Variants in ZNF256 observed in about 807,000 individuals in gnomAD.
ZNF256 encodes the protein zinc finger protein 256, also known as bone marrow zinc finger 3.
Under a neutral mutation model 7.9 loss-of-function variants are expected in ZNF256, and 4 were observed. That is an observed-to-expected ratio of 0.50 (90% confidence interval 0.25 to 1.15). ZNF256 has a LOEUF of 1.15. Among genes scored for constraint, ZNF256 ranks in the 50% most tolerant of loss-of-function variants. The pLI, the probability that ZNF256 is intolerant of heterozygous loss-of-function variation, is 0.15. For synonymous variants in ZNF256, 260 were observed against 260.4 expected (o/e 1.00, Z 0.02); for missense variants, 666 against 755.9 (o/e 0.88, Z 1.39).
rs368746793 is a variant in ZNF256, at chr19:57,941,366, T to A, written c.1442A>T (p.His481Leu). The A allele has an allele frequency of 1.9e-6, 3 of 1,614,026 alleles. No individual in the cohort carries two copies. Among genetic ancestry groups the A allele is most frequent in the Non-Finnish European group, 2.5e-6 (3 of 1,180,040 alleles). ...SFTCKSYLISHWKVHTGARPY... is the reference protein window; with the variant it reads ...SFTCKSYLISLWKVHTGARPY... ...CCTTGCTCCAGTATGAACTTTCCAG[T>A]GTGAGATGAGGTAGGATTTACAGGT... Residue 481 changes from histidine to leucine, a missense_variant, in exon 3 of 3, where the codon CAC becomes CTC. Transcript: ENST00000282308.
intron 1 of ZNF256, among the ~76,000 whole-genome samples, chr19:57,945,276 C>T (rs1217615829): frequency 1.3e-5 from 2 of 152,132 alleles, no homozygotes; most frequent in East Asian, 3.9e-4. Context: ...GGAGGTAGTA[C>T]TCCAGAAAAG....
chr19:57,947,603 G>C lies in ZNF256; in HGVS notation c.-129C>G. 1.1e-6 allele frequency: 1 copy of C among 915,960 alleles called. No individual in the cohort carries two copies. The highest frequency in any genetic ancestry group is 1.5e-6 in the Non-Finnish European group (1 of 684,932). The allele number at this position is 915,960 out of a possible 1,614,324, so 56.7% of individuals were successfully genotyped here. A position where few individuals can be genotyped will look rare whatever the true frequency, so the allele number is the denominator to read the frequency against. On this transcript the variant is annotated 5_prime_UTR_variant, in exon 1 of 3. Coordinates refer to ENST00000282308, the MANE Select transcript of ZNF256 (RefSeq NM_005773.3). ...GGAAGACTCCTCTCGCGCCTTCTCA[G>C]TCAGTCACGGATGATGCTGACCCAG...
At position 57,942,319 on chromosome 19, in the gene ZNF256, T is replaced by TA. The variant is rs1216372433; in HGVS notation, c.488dup (p.Ser164IlefsTer72). The TA allele has an allele frequency of 1.4e-5, 23 of 1,614,140 alleles. No individual in the cohort carries two copies. Among genetic ancestry groups the TA allele is most frequent in the Admixed American group, 3.3e-5 (2 of 60,006 alleles). ...CCTTGCAAGTGAAGGGCTTCCCAGA[T>TA]ACTTCAAATGTGCAGCTGCTCAAAA... On this transcript the variant is annotated frameshift_variant, in exon 3 of 3. Transcript: ENST00000282308. LOFTEE classifies it low-confidence loss of function (END_TRUNC).
In ZNF256 at chr19:57,942,220, G is replaced by A. The variant is rs751788484; in HGVS notation, c.588C>T (p.Asn196=). 6.2e-7 allele frequency: 1 copy of A among 1,614,250 alleles called. No homozygotes were observed. The highest frequency in any genetic ancestry group is 1.1e-5 in the South Asian group (1 of 91,086). ...QQAAHTRKKS[N]RTKSAVAFHS... is the part of the protein sequence containing the mutation. ...GAAAGGCCACTGCACTCTTGGTTCT[G>A]TTTGACTTCTTTCTGGTGTGAGCAG... is the stretch of plus-strand genomic sequence containing the variant. Residue 196 remains asparagine (N), a synonymous_variant, in exon 3 of 3, where the codon AAC becomes AAT. Coordinates refer to ENST00000282308, the MANE Select transcript of ZNF256 (RefSeq NM_005773.3).
At position 57,941,236 on chromosome 19, in the gene ZNF256, A is replaced by C; in HGVS notation, c.1572T>G (p.Cys524Trp). Residue 524 changes from cysteine to tryptophan, a missense_variant, in exon 3 of 3, where the codon TGT (cysteine) becomes TGG (tryptophan). Transcript: ENST00000282308. Reference sequence around the variant, plus strand: ...TGGAGCTCTGGCTAAAAAACTTCCCACATTCATTGCACTCATAAGGCCTTT... The same window carrying C: ...TGGAGCTCTGGCTAAAAAACTTCCCCCATTCATTGCACTCATAAGGCCTTT... ...TGERPYECNE[C>W]GKFFSQSSSL... The C allele has an allele frequency of 6.2e-7, 1 of 1,613,826 alleles. No homozygotes were observed.
rs779538355 is a variant in ZNF256, at chr19:57,942,560, A to G, written c.248T>C (p.Leu83Pro). ...GGGGTTGGTCTTCTGGGGAGAAGGA[A>G]GGGCCTTAGGAATCCTAACCTGTGA... ...RVSQVRIPKA[L>P]PSPQKTNPCE... Residue 83 changes from leucine (L) to proline (P), a missense_variant, in exon 3 of 3, where the codon CTT becomes CCT. Physicochemically the swap from Leu to Pro is moderately conservative, Grantham distance 98. Transcript: ENST00000282308. 5.0e-6 allele frequency: 8 copies of G among 1,614,172 alleles called. No homozygotes were observed. The East Asian group carries it at 1.8e-4, about 36-fold the overall frequency.
intron 2 of ZNF256, 105 bp from the exon 3 acceptor site, chr19:57,942,752 G>A (rs767924857): frequency 2.5e-5 from 34 of 1,386,192 alleles, no homozygotes; most frequent in Non-Finnish European, 3.3e-5. Flanking sequence ...AGTCCATGGG[G>A]TTGTTTTCAG....
rs781008432 is a variant in ZNF256, at chr19:57,941,257, C to G, written c.1551G>C (p.Arg517Ser). ...LQHQRVHTGE[R>S]PYECNECGKF... ...TCCCACATTCATTGCACTCATAAGGCCTTTCTCCAGTGTGAACTCTCTGGT... is the reference window on the plus strand; with the variant it reads ...TCCCACATTCATTGCACTCATAAGGGCTTTCTCCAGTGTGAACTCTCTGGT... The change falls in exon 3 of 3, where the codon AGG becomes AGC. Residue 517 changes from arginine (R) to serine (S), a missense_variant. Transcript: ENST00000282308. 2 of 1,614,152 alleles carry G rather than the reference C, an allele frequency of 1.2e-6. No individual in the cohort carries two copies. The highest frequency in any genetic ancestry group is 3.3e-5 in the Admixed American group (2 of 60,020).
In ZNF256 at chr19:57,942,570, G is replaced by C; in HGVS notation, c.238C>G (p.Pro80Ala). The stretch of plus-strand genomic sequence containing the variant: ...TTCTGGGGAGAAGGAAGGGCCTTAG[G>C]AATCCTAACCTGTGACACCCGCTGT... Reference protein sequence around the residue: ...SPQRVSQVRIPKALPSPQKTN... With the variant: ...SPQRVSQVRIAKALPSPQKTN... Residue 80 changes from proline (P) to alanine (A), a missense_variant, in exon 3 of 3, where the codon CCT (proline) becomes GCT (alanine). Transcript: ENST00000282308. 6.2e-7 allele frequency: 1 copy of C among 1,614,220 alleles called. No homozygotes were observed.
chr19:57,946,552 T>C (rs2072767438), intron 1 of ZNF256, among the ~76,000 whole-genome samples: 6 of 151,954 alleles, frequency 3.9e-5, no homozygotes. Context: ...TCTAACCACA[T>C]CTCCTAAATC....
intron 1 of ZNF256, among the ~76,000 whole-genome samples, chr19:57,944,470 A>ATAT (rs2072752915): frequency 6.6e-6 from 1 of 152,186 alleles, no homozygotes; most frequent in Non-Finnish European, 1.5e-5. Flanking sequence ...GACCATGACC[A>ATAT]CCACTACGTC....
rs552500119 is a variant in ZNF256, at chr19:57,941,216, C to T, written c.1592G>A (p.Ser531Asn). The T allele has an allele frequency of 6.2e-7, 1 of 1,613,720 alleles. No homozygotes were observed. The highest frequency in any genetic ancestry group is 1.7e-5 in the Admixed American group (1 of 59,986). Residue 531 changes from serine to asparagine, a missense_variant, in exon 3 of 3, where the codon AGC becomes AAC. By Grantham distance (46) the Ser-to-Asn change is conservative (BLOSUM62 1). Coordinates refer to ENST00000282308, the MANE Select transcript of ZNF256 (RefSeq NM_005773.3). ...CNECGKFFSQ[S>N]SSLIRHRRSH... ...TCTCCTATGTCTAATGAGGCTGGAG[C>T]TCTGGCTAAAAAACTTCCCACATTC...
rs2072776296 is a variant in ZNF256 at position 57,947,540 on chromosome 19, G to C, written c.-66C>G. On this transcript the variant is annotated 5_prime_UTR_variant, in exon 1 of 3. Coordinates refer to ENST00000282308, the MANE Select transcript of ZNF256 (RefSeq NM_005773.3). ...ATTCCGGGCCGGGCCTGGGTACCCT[G>C]GGCGCCGCCGAGCCTCAGCCACGCC... is the stretch of plus-strand genomic sequence containing the variant. 1.6e-6 allele frequency: 2 copies of C among 1,242,064 alleles called. No individual in the cohort carries two copies. The highest frequency in any genetic ancestry group is 2.0e-6 in the Non-Finnish European group (2 of 982,210). 76.9% of individuals were successfully genotyped at this position (1,242,064 alleles called of 1,614,324 possible).
At chr19:57,945,430 G>A (rs1374719302) in intron 1 of ZNF256, among the ~76,000 whole-genome samples, 3 of 152,156 alleles carry the variant, frequency 2.0e-5, no homozygotes, top group African/African-American at 7.2e-5. Context: ...TAATAAGCAG[G>A]AACTGTTCTG....
Position 57,947,611 on chromosome 19 carries a change from C to G in ZNF256, c.-137G>C. The G allele has an allele frequency of 1.2e-6, 1 of 833,444 alleles. No homozygotes were observed. Among genetic ancestry groups the G allele is most frequent in the Non-Finnish European group, 1.6e-6 (1 of 611,086 alleles). The allele number at this position is 833,444 out of a possible 1,614,324, so 51.6% of individuals were successfully genotyped here. A position where few individuals can be genotyped will look rare whatever the true frequency, so the allele number is the denominator to read the frequency against. On this transcript the variant is annotated 5_prime_UTR_variant, in exon 1 of 3. Coordinates refer to ENST00000282308, the MANE Select transcript of ZNF256 (RefSeq NM_005773.3). ...CCTCTCGCGCCTTCTCAGTCAGTCA[C>G]GGATGATGCTGACCCAGCGCTCCGG... is the stretch of plus-strand genomic sequence containing the variant.
In ZNF256 at chr19:57,941,590, A is replaced by T. The variant is rs775638342; in HGVS notation, c.1218T>A (p.Pro406=). ...ATTTCCCACATTCACTACACTCATA[A>T]GGCCCTTCTCCAATGTGAAGTCTCC... The part of the protein sequence containing the change: ...KHRRLHIGEG[P]YECSECGKLF... Residue 406 remains proline, a synonymous_variant, in exon 3 of 3, where the codon CCT becomes CCA. Transcript: ENST00000282308. 4.0e-5 allele frequency: 64 copies of T among 1,614,028 alleles called. 1 individual carries two copies. Among genetic ancestry groups the T allele is most frequent in the Non-Finnish European group, 5.3e-5 (62 of 1,180,036 alleles).
intron 1 of ZNF256, among the ~76,000 whole-genome samples, 175 bp downstream of exon 1, chr19:57,947,267 G>A (rs1244433622): frequency 6.6e-6 from 1 of 152,196 alleles, no homozygotes; most frequent in East Asian, 1.9e-4. Context: ...CTCTCATCAG[G>A]GGCTCCTTGC....
chr19:57,943,381 C>T (rs772112192), intron 2 of ZNF256, among the ~76,000 whole-genome samples: 10 of 152,160 alleles, frequency 6.6e-5, no homozygotes, highest in Non-Finnish European at 1.5e-4. Flanking sequence ...ATCCTCAGAA[C>T]CACAGGGCCT....
chr19:57,947,153 G>A lies in ZNF256; in HGVS notation c.33+289C>T, dbSNP rs189637688. Among the ~76,000 whole-genome samples the A allele has an allele frequency of 2.9e-3, 442 of 152,340 alleles. 1 individual carries two copies. The highest frequency in any genetic ancestry group is 2.9e-3 in the Non-Finnish European group (196 of 68,024). ...GGCCTCAGAGAAGAGCATCTATGGC[G>A]GTATTAGATGGGCTCAAGCCACCCC... On this transcript the variant is annotated intron_variant, in intron 1 of 2. Transcript: ENST00000282308.
Sources: gnomAD v4.1 joint callset for allele counts (sites outside exome capture counted in the v4.1 genomes callset) on GRCh38, gnomAD v4.1.1 for gene constraint, MANE v1.5 for transcripts, NCBI Gene and HGNC (gene_info 2026-07-23, HGNC 2026-07-21) for gene names.